Variants in FAR2 observed in about 807,000 individuals in gnomAD.
FAR2 encodes the protein epididymis secretory protein Li 81.
A neutral mutation model predicts 56.0 loss-of-function variants in FAR2; 19 were observed. That is an observed-to-expected ratio of 0.34 (90% CI 0.24 to 0.50). The LOEUF (loss-of-function observed/expected upper bound fraction) is 0.50. Ranked by LOEUF, FAR2 falls within the 20% of genes least tolerant of loss-of-function variation. The probability of loss-of-function intolerance (pLI) is 0.98; values close to 1 mark genes in which losing one functional copy is unlikely to be tolerated. For synonymous variants in FAR2, 219 were observed against 218.8 expected (o/e 1.00, Z -0.01); for missense variants, 508 against 642.2 (o/e 0.79, Z 2.26).
At chr12:29,160,672 C>T (rs112329570) in intron 1 of FAR2, among the ~76,000 whole-genome samples, 15 of 152,140 alleles carry the variant, frequency 9.9e-5, no homozygotes, top group African/African-American at 3.6e-4. Flanking sequence ...CAGGTGTCAG[C>T]GGGGTTGGCT....
At chr12:29,310,139 G>A (rs1949323027) in intron 6 of FAR2, among the ~76,000 whole-genome samples, 2 of 152,184 alleles carry the variant, frequency 1.3e-5, no homozygotes, top group South Asian at 4.1e-4. Flanking sequence ...TTCTACAAAA[G>A]TTCAGTTGGG....
At chr12:29,241,334 T>C (rs915637152) in intron 1 of FAR2, among the ~76,000 whole-genome samples, 1 of 152,212 alleles carries the variant, frequency 6.6e-6, no homozygotes, top group Non-Finnish European at 1.5e-5. Context: ...TTGTATCTGA[T>C]GGAAATCTGG....
chr12:29,309,280 G>GT, intron 6 of FAR2, 50 bp downstream of exon 6: 1 of 1,414,980 alleles, frequency 7.1e-7, no homozygotes, highest in Non-Finnish European at 9.9e-7. Flanking sequence ...TAGAGAAATA[G>GT]TAACAAAATT....
At chr12:29,325,071 G>A (rs1161420819) in intron 10 of FAR2, among the ~76,000 whole-genome samples, 19 of 151,688 alleles carry the variant, frequency 1.3e-4, no homozygotes, top group African/African-American at 4.1e-4. Context: ...CAAGCAAATG[G>A]AAAACAAAAA....
At chr12:29,258,141 C>T (rs188688290) in intron 1 of FAR2, among the ~76,000 whole-genome samples, 1 of 150,446 alleles carries the variant, frequency 6.6e-6, no homozygotes, top group East Asian at 2.0e-4. Context: ...GTCAGGAATT[C>T]GAGACTAGCC....
chr12:29,307,862 T>A, intron 5 of FAR2, 27 bp downstream of exon 5: 1 of 1,591,126 alleles, frequency 6.3e-7, no homozygotes, highest in South Asian at 1.1e-5. Context: ...GGATTCTGTG[T>A]TTTGCTTCCA....
At chr12:29,291,292 AC>A in intron 2 of FAR2, 1 of 430,768 alleles carries the variant, frequency 2.3e-6, no homozygotes, top group Non-Finnish European at 4.6e-6. Flanking sequence ...CATCAGATCC[AC>A]CTGCAGAGGC....
At chr12:29,272,363 T>C (rs1948634144) in intron 2 of FAR2, among the ~76,000 whole-genome samples, 1 of 152,194 alleles carries the variant, frequency 6.6e-6, no homozygotes, top group Admixed American at 6.5e-5. Flanking sequence ...CTTGTCGGCA[T>C]CTTATTTCAG....
intron 1 of FAR2, among the ~76,000 whole-genome samples, chr12:29,236,566 T>G (rs1947945170): frequency 6.6e-6 from 1 of 151,758 alleles, no homozygotes; most frequent in Non-Finnish European, 1.5e-5. Flanking sequence ...AGAAAGAGAG[T>G]GATAGTGCAG....
intron 2 of FAR2, among the ~76,000 whole-genome samples, chr12:29,274,841 A>G (rs1011599100): frequency 1.6e-4 from 23 of 148,330 alleles, no homozygotes; most frequent in Middle Eastern, 3.5e-3. Flanking sequence ...CCCCACCCCT[A>G]TCTCCCTTCG....
intron 1 of FAR2, among the ~76,000 whole-genome samples, chr12:29,262,429 G>A (rs1029302263): frequency 4.6e-5 from 7 of 152,084 alleles, no homozygotes; most frequent in African/African-American, 1.2e-4. Flanking sequence ...TCAGGAGTTC[G>A]AGACCAGCCT....
intron 1 of FAR2, among the ~76,000 whole-genome samples, chr12:29,268,419 C>T (rs1162570521): frequency 6.6e-6 from 1 of 152,212 alleles, no homozygotes; most frequent in Non-Finnish European, 1.5e-5. Flanking sequence ...CTTCATGGTG[C>T]GTTTCTGCAG....
intron 2 of FAR2, among the ~76,000 whole-genome samples, chr12:29,279,610 G>C (rs1186357816): frequency 6.6e-6 from 1 of 151,904 alleles, no homozygotes; most frequent in African/African-American, 2.4e-5. Context: ...TTGCTTTTTG[G>C]TCCCACAGCT....
At chr12:29,153,349 T>C (rs552575886) in intron 1 of FAR2, among the ~76,000 whole-genome samples, 2 of 151,800 alleles carry the variant, frequency 1.3e-5, no homozygotes, top group South Asian at 4.2e-4. Context: ...AAAAAAAAAA[T>C]CAACAAAGAG....
At chr12:29,309,329 A>C in intron 6 of FAR2, 99 bp downstream of exon 6, 1 of 839,778 alleles carries the variant, frequency 1.2e-6, no homozygotes, top group Non-Finnish European at 1.9e-6. Context: ...AAAAACATAA[A>C]TGTTACTTTA....
intron 10 of FAR2, among the ~76,000 whole-genome samples, chr12:29,330,056 C>CTTT (rs10693997): frequency 0.32 from 40,259 of 126,788 alleles, 7,212 homozygotes; most frequent in African/African-American, 0.39. Flanking sequence ...ACATTTATGA[C>CTTT]TTTTTTTTTT....
intron 2 of FAR2, among the ~76,000 whole-genome samples, chr12:29,274,921 C>A (rs1948683492): frequency 6.6e-6 from 1 of 151,048 alleles, no homozygotes; most frequent in Non-Finnish European, 1.5e-5. Flanking sequence ...TCACACAAAG[C>A]CTGTTTGGTG....
intron 1 of FAR2, chr12:29,172,079 A>C (rs10743646): frequency 0.75 from 110,417 of 148,006 alleles, 42,718 homozygotes; most frequent in East Asian, 0.9. Context: ...GCCTCTGCCC[A>C]GCCACCAACT....
chr12:29,224,663 T>A (rs1947737468), intron 1 of FAR2, among the ~76,000 whole-genome samples: 2 of 152,310 alleles, frequency 1.3e-5, no homozygotes, highest in South Asian at 4.1e-4. Context: ...AGGGCCTTCA[T>A]TCCACAAACA....
Sources: gnomAD v4.1 joint callset for allele counts (sites outside exome capture counted in the v4.1 genomes callset) on GRCh38, gnomAD v4.1.1 for gene constraint, MANE v1.5 for transcripts, NCBI Gene and HGNC (gene_info 2026-07-23, HGNC 2026-07-21) for gene names.